Variants in SH3KBP1 observed in about 807,000 individuals in gnomAD.
SH3KBP1 encodes SH3 domain-containing kinase-binding protein 1.
SH3KBP1 carries 8 observed loss-of-function variants against 50.1 expected under a neutral mutation model. The ratio of observed to expected loss-of-function variants is 0.16; its 90% CI spans 0.09 to 0.29. The LOEUF is 0.29. SH3KBP1 is among the 10% of genes least tolerant of loss of function. SH3KBP1 has a pLI of 1.00. For missense variants in SH3KBP1, 377 were observed against 535.2 expected (o/e 0.70, Z 2.92); for synonymous variants, 227 against 218.6 (o/e 1.04, Z -0.34).
At chrX:19,586,496 T>A (rs2066571151) in intron 12 of SH3KBP1, among the ~76,000 whole-genome samples, 1 of 112,272 alleles carries the variant, frequency 8.9e-6, no homozygotes, top group Non-Finnish European at 1.9e-5. Context: ...TTTTTTCTTC[T>A]GATATACTAG....
At chrX:19,621,814 G>C (rs2067849256) in intron 8 of SH3KBP1, among the ~76,000 whole-genome samples, 1 of 111,511 alleles carries the variant, frequency 9.0e-6, no homozygotes. Context: ...CTCTGCAGAA[G>C]TTTGCCAAAC....
At chrX:19,667,389 T>C (rs948217222) in intron 6 of SH3KBP1, among the ~76,000 whole-genome samples, 13 of 111,507 alleles carry the variant, frequency 1.2e-4, no homozygotes, top group Non-Finnish European at 7.5e-5. Flanking sequence ...TTTGGAAGGC[T>C]GAGGTGAGAG....
chrX:19,534,978 T>C lies in SH3KBP1; in HGVS notation c.*1439A>G. ...CTTTGTGGCTGTGCAAATCTATTAA[T>C]GTTTAGTAGTTTCACTATTAAACTC... On this transcript the variant is annotated 3_prime_UTR_variant, in exon 18 of 18. Coordinates refer to ENST00000397821, the MANE Select transcript of SH3KBP1 (RefSeq NM_031892.3). The C allele has an allele frequency of 3.4e-6, 1 of 297,920 alleles. No individual in the cohort carries two copies. The highest frequency in any genetic ancestry group is 4.7e-5 in the East Asian group (1 of 21,103). 24.6% of individuals were successfully genotyped at this position (297,920 alleles called of 1,213,427 possible). A position where few individuals can be genotyped will look rare whatever the true frequency, so the allele number is the denominator to read the frequency against.
chrX:19,656,225 A>G (rs1478486614), intron 6 of SH3KBP1, among the ~76,000 whole-genome samples: 1 of 111,557 alleles, frequency 9.0e-6, no homozygotes, highest in Non-Finnish European at 1.9e-5. Flanking sequence ...TTGTCTTAAA[A>G]GCAACCAGTA....
chrX:19,682,330 T>TCACACA (rs1313944535), intron 6 of SH3KBP1, among the ~76,000 whole-genome samples: 1 of 61,946 alleles, frequency 1.6e-5, no homozygotes, highest in African/African-American at 8.7e-5. Context: ...ATAATAAGAG[T>TCACACA]CATACACACA....
Position 19,746,394 on chromosome X carries a change from T to TGCAG in SH3KBP1, c.209_210insCTGC (p.Glu71CysfsTer18). 1 of 1,205,785 alleles carries TGCAG rather than the reference T, an allele frequency of 8.3e-7. No individual in the cohort carries two copies. The highest frequency in any genetic ancestry group is 1.1e-6 in the Non-Finnish European group (1 of 892,599). Reference sequence around the variant, plus strand: ...TGGGCACTTCGTGCAGGGGCTTTTCTGGAGCTTTGTTGGTGAGAGGGTCTT... The same window carrying TGCAG: ...TGGGCACTTCGTGCAGGGGCTTTTCTGCAGGGAGCTTTGTTGGTGAGAGGGTCTT... On this transcript the variant is annotated frameshift_variant, in exon 3 of 18. Transcript: ENST00000397821. LOFTEE classifies it high-confidence loss of function.
At chrX:19,882,505 A>G (rs1406923189) in intron 1 of SH3KBP1, among the ~76,000 whole-genome samples, 1 of 111,297 alleles carries the variant, frequency 9.0e-6, no homozygotes, top group Non-Finnish European at 1.9e-5. Context: ...AAGAGGCCAC[A>G]AGCAAAGGAA....
chrX:19,728,364 C>A (rs142231247), intron 3 of SH3KBP1, among the ~76,000 whole-genome samples: 35 of 112,063 alleles, frequency 3.1e-4, no homozygotes, highest in African/African-American at 1.1e-3. Flanking sequence ...TATTCTGAAG[C>A]ATGCTGAGCT....
chrX:19,661,277 C>G (rs2062442416), intron 6 of SH3KBP1, among the ~76,000 whole-genome samples: 1 of 112,354 alleles, frequency 8.9e-6, no homozygotes, highest in South Asian at 3.6e-4. Flanking sequence ...TTCCAGTTCT[C>G]CCAGATCTGG....
chrX:19,629,085 C>T (rs749116893), intron 8 of SH3KBP1, among the ~76,000 whole-genome samples: 1 of 111,043 alleles, frequency 9.0e-6, no homozygotes, highest in Non-Finnish European at 1.9e-5. Flanking sequence ...CCAGCCTGGG[C>T]GACAGAGTGA....
At chrX:19,536,540 C>A (rs192571504) in intron 17 of SH3KBP1, 82 bp from the exon 18 acceptor site, 12 of 599,045 alleles carry the variant, frequency 2.0e-5, no homozygotes, top group South Asian at 9.7e-5. Flanking sequence ...TCAACCCGGT[C>A]GACTGAAAGA....
At chrX:19,554,214 T>C (rs1480569235) in intron 13 of SH3KBP1, among the ~76,000 whole-genome samples, 2 of 76,376 alleles carry the variant, frequency 2.6e-5, no homozygotes, top group Non-Finnish European at 4.3e-5. Flanking sequence ...TAAAATATAA[T>C]ATTATATATC....
At chrX:19,631,502 TA>T (rs113433718) in intron 8 of SH3KBP1, among the ~76,000 whole-genome samples, 1 of 111,073 alleles carries the variant, frequency 9.0e-6, no homozygotes, top group African/African-American at 3.3e-5. Context: ...ACCAGCGTTT[TA>T]AAAAAAAACT....
chrX:19,735,089 G>A (rs2064508108), intron 3 of SH3KBP1, among the ~76,000 whole-genome samples: 1 of 112,212 alleles, frequency 8.9e-6, no homozygotes, highest in African/African-American at 3.2e-5. Context: ...TCCACCAGCA[G>A]TGGGTGAGTT....
intron 2 of SH3KBP1, among the ~76,000 whole-genome samples, chrX:19,822,041 T>C (rs1029370770): frequency 8.9e-6 from 1 of 112,584 alleles, no homozygotes; most frequent in African/African-American, 3.2e-5. Flanking sequence ...GAGAAATTCA[T>C]TGTCATTCAA....
chrX:19,768,086 A>C (rs533203559), intron 2 of SH3KBP1, among the ~76,000 whole-genome samples: 6 of 111,270 alleles, frequency 5.4e-5, no homozygotes, highest in Middle Eastern at 4.6e-3. Flanking sequence ...CACAATGCAC[A>C]GACACACAAA....
intron 3 of SH3KBP1, among the ~76,000 whole-genome samples, chrX:19,717,397 G>T (rs1298462403): frequency 9.0e-6 from 1 of 111,035 alleles, no homozygotes; most frequent in East Asian, 2.8e-4. Context: ...GCAAGACCCA[G>T]TCTCTACACA....
chrX:19,681,199 AGG>A (rs2063041810), intron 6 of SH3KBP1, among the ~76,000 whole-genome samples: 1 of 112,329 alleles, frequency 8.9e-6, no homozygotes, highest in Non-Finnish European at 1.9e-5. Context: ...ATTTTGGATT[AGG>A]GATGTTCAAC....
chrX:19,829,310 T>A (rs2067787160), intron 2 of SH3KBP1, among the ~76,000 whole-genome samples: 1 of 112,112 alleles, frequency 8.9e-6, no homozygotes, highest in African/African-American at 3.2e-5. Context: ...ACATATATTG[T>A]ATGACTCCAT....
Sources: gnomAD v4.1 joint callset for allele counts (sites outside exome capture counted in the v4.1 genomes callset) on GRCh38, gnomAD v4.1.1 for gene constraint, MANE v1.5 for transcripts, NCBI Gene and HGNC (gene_info 2026-07-23, HGNC 2026-07-21) for gene names.